The following PPP1R12C variants were observed in gnomAD, a reference collection of about 807,000 sequenced individuals.
PPP1R12C encodes protein phosphatase 1 regulatory subunit 12C.
A neutral mutation model predicts 95.6 loss-of-function variants in PPP1R12C; 48 were observed. The observed-to-expected ratio is 0.50, with a 90% confidence interval of 0.40 to 0.64. The LOEUF is 0.64. Among genes scored for constraint, PPP1R12C ranks in the 30% least tolerant of loss-of-function variants. The probability of loss-of-function intolerance (pLI) is 0.00; values close to 1 mark genes in which losing one functional copy is unlikely to be tolerated. For missense variants in PPP1R12C, 1,057 were observed against 1,083.3 expected (o/e 0.98, Z 0.34); for synonymous variants, 480 against 460.8 (o/e 1.04, Z -0.53).
chr19:55,094,977 A>G, intron 11 of PPP1R12C, 179 bp from the exon 12 acceptor site: 1 of 772,744 alleles, frequency 1.3e-6, no homozygotes, highest in Non-Finnish European at 2.1e-6. Flanking sequence ...ACCGGTCAGA[A>G]GGATAAAGGA....
At chr19:55,117,028 G>A (rs1450815957) in intron 1 of PPP1R12C, among the ~76,000 whole-genome samples, 195 bp downstream of exon 1, 1 of 152,138 alleles carries the variant, frequency 6.6e-6, no homozygotes, top group African/African-American at 2.4e-5. Context: ...CAGTTGAAGC[G>A]GCTCCAATTC....
chr19:55,097,541 TCGCCCC>T (rs2084934007), intron 6 of PPP1R12C, among the ~76,000 whole-genome samples: 1 of 20,828 alleles, frequency 4.8e-5, no homozygotes, highest in African/African-American at 1.0e-4. Flanking sequence ...ACCACCGTCT[TCGCCCC>T]TTCCCCACGC....
rs369559413 is a variant in PPP1R12C at position 55,094,739 on chromosome 19, G to A, written c.1514C>T (p.Pro505Leu). 7.3e-5 allele frequency: 118 copies of A among 1,609,394 alleles called. No homozygotes were observed. The highest frequency in any genetic ancestry group is 1.7e-4 in the Middle Eastern group (1 of 6,044). Residue 505 changes from proline to leucine, a missense_variant, in exon 12 of 22, where the codon CCG becomes CTG. Physicochemically the swap from Pro to Leu is moderately conservative, Grantham distance 98. Around this residue, in one of 5 missense-constraint regions of PPP1R12C, gnomAD observed 356 missense variants for 330.5 expected, o/e 1.08. Coordinates refer to ENST00000263433, the MANE Select transcript of PPP1R12C (RefSeq NM_017607.4). ...TGGCTTCGCTGGGGATTCAGGCTCC[G>A]GAATCCTGGAGGGAGGCGAGGAGTT... Reference protein sequence around the residue: ...LENSSPPSRIPEPESPAKPNV... With the variant: ...LENSSPPSRILEPESPAKPNV...
At chr19:55,101,644 A>C (rs1351006082) in intron 4 of PPP1R12C, among the ~76,000 whole-genome samples, 1 of 152,220 alleles carries the variant, frequency 6.6e-6, no homozygotes, top group African/African-American at 2.4e-5. Flanking sequence ...CCCAGGACTC[A>C]GGGGTGGAAG....
intron 4 of PPP1R12C, among the ~76,000 whole-genome samples, chr19:55,100,460 C>A (rs765998387): frequency 1.1e-4 from 17 of 152,260 alleles, no homozygotes; most frequent in Non-Finnish European, 1.9e-4. Flanking sequence ...AGGCTATGAG[C>A]CGCACACAGG....
intron 1 of PPP1R12C, 182 bp from the exon 2 acceptor site, chr19:55,112,977 C>T (rs2085114630): frequency 3.8e-6 from 3 of 784,664 alleles, no homozygotes; most frequent in East Asian, 5.4e-5. Context: ...AGTGGTCAGG[C>T]CGGCCAGGCC....
Position 55,095,538 on chromosome 19 carries a change from C to A in PPP1R12C, c.1293G>T (p.Leu431=). The change falls in exon 10 of 22, where the codon CTG becomes CTT. Residue 431 remains leucine (L), a synonymous_variant. Transcript: ENST00000263433. ...GLLKTGSSGA[L]GPPERRTAEG... The stretch of plus-strand genomic sequence containing the variant: ...CCGCTGTCCGCCTTTCAGGGGGACC[C>A]AGGGCACCAGAACTCCCTGTCTTCA... The A allele has an allele frequency of 1.3e-6, 2 of 1,592,004 alleles. No individual in the cohort carries two copies. The highest frequency in any genetic ancestry group is 1.7e-6 in the Non-Finnish European group (2 of 1,169,986).
In PPP1R12C at chr19:55,091,787, C is replaced by T; in HGVS notation, c.2211+72G>A. On this transcript the variant is annotated intron_variant, in intron 20 of 21. Coordinates refer to ENST00000263433, the MANE Select transcript of PPP1R12C (RefSeq NM_017607.4). ...GGGCCAGCTGGGAAGGGCAATGTGG[C>T]TCCCTTGGTCCAAACTTAGGGATGT... 2.5e-6 allele frequency: 4 copies of T among 1,611,296 alleles called. No homozygotes were observed. The South Asian group carries it at 4.4e-5, about 18-fold the overall frequency.
At chr19:55,098,698 CGGGGGGGTT>C in intron 6 of PPP1R12C, 77 bp downstream of exon 6, 1 of 1,523,192 alleles carries the variant, frequency 6.6e-7, no homozygotes, top group Middle Eastern at 1.8e-4. Context: ...TGTCAGAAGT[CGGGGGGGTT>C]CCCCCTCTGC....
At chr19:55,105,432 G>A (rs1187765613) in intron 3 of PPP1R12C, among the ~76,000 whole-genome samples, 1 of 152,100 alleles carries the variant, frequency 6.6e-6, no homozygotes, top group African/African-American at 2.4e-5. Context: ...CTTGCCCAGG[G>A]GTCAGAAAGC....
intron 2 of PPP1R12C, 29 bp from the exon 3 acceptor site, chr19:55,112,614 G>A: frequency 1.9e-6 from 3 of 1,611,790 alleles, no homozygotes; most frequent in Non-Finnish European, 2.5e-6. Flanking sequence ...CAGGGCTGAG[G>A]GTCCAGGCCC....
intron 3 of PPP1R12C, chr19:55,112,232 C>G (rs369072181): frequency 1.4e-5 from 2 of 144,860 alleles, no homozygotes; most frequent in African/African-American, 5.8e-5. Context: ...GGGGGATTGA[C>G]AGTCCCAGTT....
At chr19:55,106,976 G>A (rs1254372460) in intron 3 of PPP1R12C, among the ~76,000 whole-genome samples, 6 of 152,148 alleles carry the variant, frequency 3.9e-5, no homozygotes, top group Admixed American at 6.6e-5. Flanking sequence ...AGTGCCTCAC[G>A]GAGAGAACCT....
intron 9 of PPP1R12C, 21 bp from the exon 10 acceptor site, chr19:55,095,624 CAGTT>C (rs747372234): frequency 1.7e-4 from 255 of 1,537,490 alleles, no homozygotes; most frequent in South Asian, 6.9e-4. Flanking sequence ...GAGGAGGTCT[CAGTT>C]AGAGAGAAAG....
intron 19 of PPP1R12C, 22 bp from the exon 20 acceptor site, chr19:55,091,931 C>T: frequency 6.2e-7 from 1 of 1,612,700 alleles, no homozygotes; most frequent in Non-Finnish European, 8.5e-7. Context: ...ACAGAAAGCA[C>T]AGGGGTCAGC....
chr19:55,105,399 T>C (rs1450490878), intron 3 of PPP1R12C, among the ~76,000 whole-genome samples: 1 of 152,258 alleles, frequency 6.6e-6, no homozygotes, highest in Non-Finnish European at 1.5e-5. Flanking sequence ...TGCTGAGATC[T>C]GTCTGTATCT....
chr19:55,098,889 T>C (rs767353862), intron 5 of PPP1R12C, 31 bp from the exon 6 acceptor site: 3 of 1,612,558 alleles, frequency 1.9e-6, no homozygotes, highest in Admixed American at 3.3e-5. Flanking sequence ...GATCAGACAA[T>C]GAAGGAGGTG....
At chr19:55,114,018 C>T (rs1259665787) in intron 1 of PPP1R12C, 1 of 157,216 alleles carries the variant, frequency 6.4e-6, no homozygotes, top group Non-Finnish European at 1.4e-5. Context: ...AGCCTCTCCC[C>T]ATTCAGACCC....
At chr19:55,097,100 G>T in intron 6 of PPP1R12C, 2 of 147,596 alleles carry the variant, frequency 1.4e-5, no homozygotes, top group South Asian at 5.8e-5. Flanking sequence ...CCTACCCCGC[G>T]CAGTTCGCAG....
Sources: gnomAD v4.1 joint callset for allele counts (sites outside exome capture counted in the v4.1 genomes callset) on GRCh38, gnomAD v4.1.1 for gene constraint, gnomAD v4.1.1 regional missense constraint, MANE v1.5 for transcripts, NCBI Gene and HGNC (gene_info 2026-07-23, HGNC 2026-07-21) for gene names.